METTL15: variants seen among roughly 807,000 people sequenced by gnomAD.
METTL15 encodes methyltransferase 15, mitochondrial 12S rRNA N4-cytidine.
METTL15 carries 34 observed loss-of-function variants against 38.3 expected under a neutral mutation model. That is an observed-to-expected ratio of 0.89 (90% CI 0.68 to 1.18). The LOEUF (loss-of-function observed/expected upper bound fraction) is 1.18, where lower values mean the gene tolerates loss of function less well. METTL15 is among the 50% of genes most tolerant of loss of function. METTL15 has a pLI of 0.00. For missense variants in METTL15, 438 were observed against 498.4 expected (o/e 0.88, Z 1.15); for synonymous variants, 162 against 170.9 (o/e 0.95, Z 0.41).
chr11:28,109,465 G>A (rs902743068), intron 1 of METTL15, among the ~76,000 whole-genome samples: 2 of 152,158 alleles, frequency 1.3e-5, no homozygotes, highest in Non-Finnish European at 2.9e-5. Context: ...AACAGCCCAT[G>A]AGACGTAGGT....
intron 5 of METTL15, among the ~76,000 whole-genome samples, chr11:28,414,914 A>G (rs1850760167): frequency 6.6e-6 from 1 of 152,216 alleles, no homozygotes; most frequent in African/African-American, 2.4e-5. Flanking sequence ...AAAAGAAAAT[A>G]CATTGTGTTG....
chr11:28,326,193 C>CTTG (rs1849628785), intron 6 of METTL15, among the ~76,000 whole-genome samples: 2 of 152,210 alleles, frequency 1.3e-5, no homozygotes, highest in Middle Eastern at 3.4e-3. Context: ...CAGTGAGCTC[C>CTTG]TCAAGGGCGG....
At position 28,377,212 on chromosome 11, in the gene METTL15, G is replaced by A. The variant is rs1360979220; in HGVS notation, c.*358+15176G>A. Among the ~76,000 whole-genome samples, 28 of 148,758 alleles carry A rather than the reference G, an allele frequency of 1.9e-4. 1 individual carries two copies. Among genetic ancestry groups the A allele is most frequent in the South Asian group, 6.5e-4 (3 of 4,592 alleles). ...CTGAATCTGAACGTTGGCCTGCCTT[G>A]CTAGATTGGGGAAGTTCTCCTGGAT... On this transcript the variant is annotated intron_variant and NMD_transcript_variant, in intron 5 of 7. Transcript: ENST00000532947.
At chr11:28,467,666 C>G (rs899082628) in intron 6 of METTL15, among the ~76,000 whole-genome samples, 1 of 152,162 alleles carries the variant, frequency 6.6e-6, no homozygotes, top group African/African-American at 2.4e-5. Flanking sequence ...TACTGAGTGT[C>G]TTCTCTGTAC....
intron 3 of METTL15, among the ~76,000 whole-genome samples, chr11:28,207,711 A>G (rs191792218): frequency 1.3e-5 from 2 of 152,306 alleles, no homozygotes; most frequent in Non-Finnish European, 2.9e-5. Flanking sequence ...TGCCTCTGGT[A>G]GAATTTGGCT....
Position 28,217,971 on chromosome 11 carries a change from G to A in METTL15, c.407+6773G>A, listed in dbSNP as rs141575738. Among the ~76,000 whole-genome samples the A allele has an allele frequency of 7.8e-4, 119 of 152,122 alleles. 1 individual carries two copies. Among genetic ancestry groups the A allele is most frequent in the African/African-American group, 2.3e-3 (94 of 41,510 alleles). On this transcript the variant is annotated intron_variant, in intron 4 of 6. Coordinates refer to ENST00000407364, the MANE Select transcript of METTL15 (RefSeq NM_001113528.2). ...GTTTTGGTTACTGTAGCCTTGTAGTGTAGTTTGAAGTCAGGTAGCTTGATG... is the reference window on the plus strand; with the variant it reads ...GTTTTGGTTACTGTAGCCTTGTAGTATAGTTTGAAGTCAGGTAGCTTGATG...
Position 28,331,745 on chromosome 11 carries a change from A to C in METTL15, c.*904A>C, listed in dbSNP as rs1224513328. The C allele has an allele frequency of 6.6e-6, 1 of 152,234 alleles. No individual in the cohort carries two copies. Among genetic ancestry groups the C allele is most frequent in the Admixed American group, 6.5e-5 (1 of 15,286 alleles). The allele number at this position is 152,234 out of a possible 1,614,324, so 9.4% of individuals were successfully genotyped here. A position where few individuals can be genotyped will look rare whatever the true frequency, so the allele number is the denominator to read the frequency against. Reference sequence around the variant, plus strand: ...TATTCAAGAAAAGAGTACTTGGTAGAAGATTCTTTAACAAATTGAGGAGAT... The same window carrying C: ...TATTCAAGAAAAGAGTACTTGGTAGCAGATTCTTTAACAAATTGAGGAGAT... On this transcript the variant is annotated 3_prime_UTR_variant, in exon 7 of 7. Transcript: ENST00000407364.
At chr11:28,472,887 G>A (rs1036357052) in intron 6 of METTL15, among the ~76,000 whole-genome samples, 2 of 152,162 alleles carry the variant, frequency 1.3e-5, no homozygotes, top group Non-Finnish European at 2.9e-5. Context: ...GCACTCAGTA[G>A]AAAATGTAAT....
chr11:28,418,525 G>A lies in METTL15; in HGVS notation c.*359-5774G>A, dbSNP rs560666942. Among the ~76,000 whole-genome samples the A allele has an allele frequency of 2.0e-5, 3 of 152,180 alleles. No homozygotes were observed. In the East Asian group the frequency reaches 5.8e-4, roughly 29 times the overall value. ...AACCTAGCCAGAGACAGAGCATGATGGCTCAATAGAAGCCTCTGCCGATCG... is the reference window on the plus strand; with the variant it reads ...AACCTAGCCAGAGACAGAGCATGATAGCTCAATAGAAGCCTCTGCCGATCG... On this transcript the variant is annotated intron_variant and NMD_transcript_variant, in intron 5 of 7. Transcript: ENST00000532947.
At chr11:28,168,852 A>G (rs1448674964) in intron 3 of METTL15, among the ~76,000 whole-genome samples, 1 of 152,138 alleles carries the variant, frequency 6.6e-6, no homozygotes, top group East Asian at 1.9e-4. Flanking sequence ...CGGTGGGAAA[A>G]TGCTGACACT....
At chr11:28,255,345 G>C (rs181412667) in intron 4 of METTL15, among the ~76,000 whole-genome samples, 1 of 152,178 alleles carries the variant, frequency 6.6e-6, no homozygotes, top group African/African-American at 2.4e-5. Flanking sequence ...TAATAGTTTT[G>C]TTGGGTGGAA....
At chr11:28,438,850 T>A (rs1429870809) in intron 6 of METTL15, among the ~76,000 whole-genome samples, 1 of 151,594 alleles carries the variant, frequency 6.6e-6, no homozygotes, top group Non-Finnish European at 1.5e-5. Context: ...AATTTTTGTA[T>A]TTTAGTAGAG....
At chr11:28,449,029 A>T (rs555228475) in intron 6 of METTL15, among the ~76,000 whole-genome samples, 1 of 152,228 alleles carries the variant, frequency 6.6e-6, no homozygotes, top group African/African-American at 2.4e-5. Flanking sequence ...AATAAACTTC[A>T]GTTCTCTTTG....
intron 3 of METTL15, among the ~76,000 whole-genome samples, chr11:28,120,139 A>T (rs745701875): frequency 6.6e-5 from 10 of 151,868 alleles, no homozygotes; most frequent in Admixed American, 1.3e-4. Context: ...TTTTTAGTAG[A>T]GACAGGGTTT....
At chr11:28,198,350 G>T (rs1851984558) in intron 3 of METTL15, among the ~76,000 whole-genome samples, 1 of 151,970 alleles carries the variant, frequency 6.6e-6, no homozygotes, top group South Asian at 2.1e-4. Flanking sequence ...CACAAAGAAT[G>T]ATAAATACTC....
rs1485691881 is a variant in METTL15, at chr11:28,208,207, G to T, written c.271-2855G>T. 3.9e-5 allele frequency among the ~76,000 whole-genome samples: 6 copies of T among 152,212 alleles called. 1 individual carries two copies. The highest frequency in any genetic ancestry group is 1.4e-4 in the African/African-American group (6 of 41,538). On this transcript the variant is annotated intron_variant, in intron 3 of 6. Coordinates refer to ENST00000407364, the MANE Select transcript of METTL15 (RefSeq NM_001113528.2). Reference sequence around the variant, plus strand: ...GTTCTTTTAATTGTGATGTTAGGGTGTCAGTTTTTGATCTTTCCTGCTTTC... The same window carrying T: ...GTTCTTTTAATTGTGATGTTAGGGTTTCAGTTTTTGATCTTTCCTGCTTTC...
chr11:28,174,270 T>C (rs1009512214), intron 3 of METTL15, among the ~76,000 whole-genome samples: 4 of 148,680 alleles, frequency 2.7e-5, no homozygotes, highest in Non-Finnish European at 5.9e-5. Context: ...ACGATTGTTT[T>C]TGTTTTACTG....
intron 3 of METTL15, among the ~76,000 whole-genome samples, chr11:28,166,934 G>A (rs1850678969): frequency 6.6e-6 from 1 of 152,172 alleles, no homozygotes; most frequent in Non-Finnish European, 1.5e-5. Flanking sequence ...GTGTGACAGA[G>A]TGAGACTCCA....
chr11:28,374,914 T>G (rs1278056956), intron 5 of METTL15, among the ~76,000 whole-genome samples: 6 of 151,832 alleles, frequency 4.0e-5, no homozygotes, highest in Admixed American at 3.3e-4. Flanking sequence ...TCTGCATCTA[T>G]TGAGATAATC....
Sources: gnomAD v4.1 joint callset for allele counts (sites outside exome capture counted in the v4.1 genomes callset) on GRCh38, gnomAD v4.1.1 for gene constraint, MANE v1.5 for transcripts, NCBI Gene and HGNC (gene_info 2026-07-23, HGNC 2026-07-21) for gene names.